SIN3A: variants seen among roughly 807,000 people sequenced by gnomAD.
The protein encoded by SIN3A is SIN3 transcription regulator family member A.
A neutral mutation model predicts 146.1 loss-of-function variants in SIN3A; 14 were observed. The ratio of observed to expected loss-of-function variants is 0.10; its 90% confidence interval spans 0.06 to 0.15. SIN3A has a LOEUF of 0.15. Ranked by LOEUF, SIN3A falls within the 10% of genes least tolerant of loss-of-function variation. The pLI is 1.00. For synonymous variants in SIN3A, 572 were observed against 572.0 expected (o/e 1.00, Z 0.00); for missense variants, 1,028 against 1,576.0 (o/e 0.65, Z 5.89).
chr15:75,382,932 C>CA (rs1491231739), intron 17 of SIN3A, among the ~76,000 whole-genome samples: 65 of 151,634 alleles, frequency 4.3e-4, no homozygotes, highest in African/African-American at 1.1e-3. Flanking sequence ...AACACACACA[C>CA]CCACACAAGC....
chr15:75,409,521 T>C (rs1265641651), intron 8 of SIN3A, among the ~76,000 whole-genome samples: 1 of 150,280 alleles, frequency 6.7e-6, no homozygotes, highest in Non-Finnish European at 1.5e-5. Context: ...GGTCAGGAGA[T>C]CGAGACCATC....
intron 1 of SIN3A, among the ~76,000 whole-genome samples, chr15:75,438,941 G>T (rs953853107): frequency 6.6e-6 from 1 of 152,158 alleles, no homozygotes; most frequent in African/African-American, 2.4e-5. Context: ...TGCTAAGAAA[G>T]AATCTATTAC....
At chr15:75,413,939 G>A (rs1370461878) in intron 4 of SIN3A, among the ~76,000 whole-genome samples, 1 of 152,140 alleles carries the variant, frequency 6.6e-6, no homozygotes, top group Non-Finnish European at 1.5e-5. Context: ...CAGAAACCAA[G>A]TAGCCTAAAT....
chr15:75,430,664 C>T (rs775933516), intron 1 of SIN3A, among the ~76,000 whole-genome samples: 1 of 152,158 alleles, frequency 6.6e-6, no homozygotes, highest in Non-Finnish European at 1.5e-5. Flanking sequence ...AAATACGCTC[C>T]AATTTAAAAA....
At chr15:75,382,079 T>C (rs1230368005) in intron 17 of SIN3A, among the ~76,000 whole-genome samples, 2 of 152,160 alleles carry the variant, frequency 1.3e-5, no homozygotes, top group African/African-American at 4.8e-5. Flanking sequence ...TAGGACGTAA[T>C]AGAGGAGGTA....
At chr15:75,439,913 G>A (rs937257099) in intron 1 of SIN3A, among the ~76,000 whole-genome samples, 7 of 151,646 alleles carry the variant, frequency 4.6e-5, no homozygotes, top group African/African-American at 1.7e-4. Context: ...CACTTTGGGA[G>A]GCTGAGGCGG....
At chr15:75,377,478 A>G (rs1397116575) in intron 19 of SIN3A, among the ~76,000 whole-genome samples, 1 of 152,056 alleles carries the variant, frequency 6.6e-6, no homozygotes, top group East Asian at 1.9e-4. Flanking sequence ...TACAAAAATT[A>G]GCCGGGAGTG....
chr15:75,453,205 A>T (rs533021310), upstream of SIN3A: 3 of 152,440 alleles, frequency 2.0e-5, no homozygotes, highest in Non-Finnish European at 4.4e-5. Flanking sequence ...GCCAGGAACG[A>T]GCTCTGGCAG....
At chr15:75,381,855 T>C (rs563099544) in intron 17 of SIN3A, 150 bp from the exon 18 acceptor site, 6 of 639,050 alleles carry the variant, frequency 9.4e-6, no homozygotes, top group South Asian at 5.9e-5. Context: ...GGGTGGCCAG[T>C]GATAAAGGCA....
intron 3 of SIN3A, chr15:75,419,971 T>C (rs772338731): frequency 5.3e-5 from 8 of 152,202 alleles, no homozygotes; most frequent in Admixed American, 1.3e-4. Context: ...AACTCTTATA[T>C]AAACTCTCTA....
At chr15:75,434,442 G>A (rs2074067165) in intron 1 of SIN3A, among the ~76,000 whole-genome samples, 1 of 152,090 alleles carries the variant, frequency 6.6e-6, no homozygotes, top group Non-Finnish European at 1.5e-5. Context: ...TTGAGGTCAG[G>A]AGTTCAAGAC....
chr15:75,391,658 C>T (rs2073204424), intron 15 of SIN3A, among the ~76,000 whole-genome samples: 1 of 152,204 alleles, frequency 6.6e-6, no homozygotes, highest in Non-Finnish European at 1.5e-5. Context: ...TTACATAAAG[C>T]ACATGACAGC....
chr15:75,446,108 T>G (rs2074302241), intron 1 of SIN3A: 1 of 152,098 alleles, frequency 6.6e-6, no homozygotes, highest in East Asian at 1.9e-4. Context: ...AGCTTATATT[T>G]TAGTGAAAGA....
At chr15:75,442,932 C>CAAAAAAAAAAAAAAAAAAAAAAAAAAAAA (rs34555614) in intron 1 of SIN3A, among the ~76,000 whole-genome samples, 1 of 84,500 alleles carries the variant, frequency 1.2e-5, no homozygotes, top group Non-Finnish European at 2.4e-5. Flanking sequence ...AACTCTGTCT[C>CAAAAAAAAAAAAAAAAAAAAAAAAAAAAA]AAAAAAAAAA....
intron 19 of SIN3A, 192 bp from the exon 20 acceptor site, chr15:75,376,064 A>C (rs2072849508): frequency 3.3e-6 from 2 of 609,972 alleles, no homozygotes; most frequent in South Asian, 2.0e-5. Flanking sequence ...AAAAGCAGAA[A>C]TCTTCACCCA....
chr15:75,373,380 T>C (rs1271340205), intron 20 of SIN3A, among the ~76,000 whole-genome samples: 2 of 152,146 alleles, frequency 1.3e-5, no homozygotes, highest in Non-Finnish European at 2.9e-5. Flanking sequence ...GAGCAGACTC[T>C]TGAACAACAC....
Position 75,392,527 on chromosome 15 carries a change from C to G in SIN3A, c.2566G>C (p.Gly856Arg), listed in dbSNP as rs1257598656. ...GACTTAGGGGGACTGCCCCCAACAC[C>G]ATTGTGCTTCTTAACTGCCCCTGTG... ...EATGAVKKHN[G>R]VGGSPPKSKL... The change falls in exon 15 of 21, where the codon GGT becomes CGT. Residue 856 changes from glycine (G) to arginine (R), a missense_variant. Gly to Arg is a moderately radical substitution (Grantham distance 125). This residue lies in a region of SIN3A where 488 missense variants were observed against 690.2 expected (regional missense o/e 0.71). Coordinates refer to ENST00000394947, the MANE Select transcript of SIN3A (RefSeq NM_001145358.2). The G allele has an allele frequency of 5.6e-6, 9 of 1,614,132 alleles. No homozygotes were observed. The highest frequency in any genetic ancestry group is 7.6e-6 in the Non-Finnish European group (9 of 1,180,030).
intron 3 of SIN3A, chr15:75,420,503 G>C (rs935709653): frequency 6.6e-6 from 1 of 152,096 alleles, no homozygotes. Flanking sequence ...TCCTGCCTCA[G>C]CCTCCTGAGT....
At chr15:75,376,436 C>T (rs1278281525) in intron 19 of SIN3A, 1 of 156,324 alleles carries the variant, frequency 6.4e-6, no homozygotes, top group Non-Finnish European at 1.4e-5. Flanking sequence ...TAGTGCCATT[C>T]TACATACACA....
Sources: allele counts gnomAD v4.1 joint callset (sites outside exome capture counted in the v4.1 genomes callset), GRCh38; gene constraint gnomAD v4.1.1; regional missense constraint gnomAD v4.1.1; transcripts MANE v1.5; gene names NCBI Gene and HGNC (gene_info 2026-07-23, HGNC 2026-07-21).